CDH13: variants seen among roughly 807,000 people sequenced by gnomAD.
CDH13 encodes cadherin 13.
CDH13 carries 24 observed loss-of-function variants against 63.8 expected under a neutral mutation model. The observed-to-expected ratio is 0.38, with a 90% CI of 0.27 to 0.53. The LOEUF (loss-of-function observed/expected upper bound fraction) is 0.53, where lower values mean the gene tolerates loss of function less well. Ranked by LOEUF, CDH13 falls within the 20% of genes least tolerant of loss-of-function variation. The pLI, the probability that CDH13 is intolerant of heterozygous loss-of-function variation, is 0.85. For missense variants in CDH13, 1,049 were observed against 903.1 expected, an observed-to-expected ratio of 1.16 and a Z score of -2.07; for synonymous variants, 503 against 355.3, an observed-to-expected ratio of 1.42 and a Z score of -4.67.
At chr16:83,169,412 T>C (rs1343765694) in intron 4 of CDH13, among the ~76,000 whole-genome samples, 2 of 152,184 alleles carry the variant, frequency 1.3e-5, no homozygotes, top group East Asian at 1.9e-4. Flanking sequence ...CTTGACCTCA[T>C]AATCTGCCTG....
At chr16:82,846,840 C>A (rs2039278764) in intron 1 of CDH13, among the ~76,000 whole-genome samples, 1 of 151,948 alleles carries the variant, frequency 6.6e-6, no homozygotes. Context: ...GTCATAATGG[C>A]AGATCAAAAT....
intron 3 of CDH13, among the ~76,000 whole-genome samples, chr16:83,122,119 A>C (rs1597374850): frequency 6.6e-6 from 1 of 152,188 alleles, no homozygotes; most frequent in Non-Finnish European, 1.5e-5. Flanking sequence ...TTTAATTAGT[A>C]TGTGGCATTA....
At chr16:83,575,321 CAGAA>C (rs1408100163) in intron 7 of CDH13, among the ~76,000 whole-genome samples, 1 of 152,168 alleles carries the variant, frequency 6.6e-6, no homozygotes, top group African/African-American at 2.4e-5. Flanking sequence ...AATTATATCT[CAGAA>C]AGCTGTTACA....
At chr16:83,567,900 A>G (rs1904299269) in intron 7 of CDH13, among the ~76,000 whole-genome samples, 1 of 152,108 alleles carries the variant, frequency 6.6e-6, no homozygotes, top group African/African-American at 2.4e-5. Flanking sequence ...CGGCCTAGAC[A>G]CAAGTTTTAA....
intron 1 of CDH13, among the ~76,000 whole-genome samples, chr16:82,811,390 A>C (rs866370440): frequency 6.6e-6 from 1 of 152,108 alleles, no homozygotes. Flanking sequence ...TTTAGTAACT[A>C]TTGCAATTTT....
intron 3 of CDH13, among the ~76,000 whole-genome samples, chr16:83,118,205 C>T (rs868331789): frequency 1.3e-5 from 2 of 152,300 alleles, no homozygotes. Context: ...GTGGCGGCCC[C>T]AGAACCTCAC....
chr16:83,740,764 A>G (rs562028259), intron 10 of CDH13, among the ~76,000 whole-genome samples: 6 of 152,292 alleles, frequency 3.9e-5, no homozygotes, highest in Admixed American at 6.5e-5. Context: ...GGTCATACCT[A>G]CATGAAAGGC....
chr16:83,694,538 C>G (rs913835599), intron 10 of CDH13, among the ~76,000 whole-genome samples: 8 of 152,352 alleles, frequency 5.3e-5, no homozygotes, highest in African/African-American at 1.9e-4. Flanking sequence ...GCTGTTATGA[C>G]TGTCCCCAGC....
At chr16:83,743,748 C>CCTTTTTTTTTTTTTT (rs1912280138) in intron 10 of CDH13, among the ~76,000 whole-genome samples, 1 of 76,258 alleles carries the variant, frequency 1.3e-5, no homozygotes, top group African/African-American at 5.5e-5. Flanking sequence ...TTTCTTTTTT[C>CCTTTTTTTTTTTTTT]TTTTTTTTTT....
chr16:82,817,677 C>T (rs2037789630), intron 1 of CDH13, among the ~76,000 whole-genome samples: 1 of 151,988 alleles, frequency 6.6e-6, no homozygotes, highest in Admixed American at 6.5e-5. Flanking sequence ...TGGTGGTGCA[C>T]ACCTGTAGTC....
At chr16:83,379,339 C>G (rs1001535568) in intron 6 of CDH13, among the ~76,000 whole-genome samples, 15 of 152,180 alleles carry the variant, frequency 9.9e-5, no homozygotes, top group Admixed American at 3.3e-4. Context: ...CGTCCGGTGT[C>G]TTCCATGGCC....
intron 13 of CDH13, among the ~76,000 whole-genome samples, chr16:83,790,426 G>T (rs1208758980): frequency 1.3e-5 from 2 of 151,990 alleles, no homozygotes; most frequent in Non-Finnish European, 2.9e-5. Flanking sequence ...TTTTCACAGA[G>T]TCTTGCTGTG....
chr16:83,067,911 T>C (rs897303596), intron 3 of CDH13, among the ~76,000 whole-genome samples: 1 of 151,998 alleles, frequency 6.6e-6, no homozygotes, highest in Non-Finnish European at 1.5e-5. Context: ...GGCCAAAAAG[T>C]TTGAAGGAGG....
At chr16:82,638,929 T>C (rs1909041641) in intron 1 of CDH13, among the ~76,000 whole-genome samples, 3 of 150,554 alleles carry the variant, frequency 2.0e-5, no homozygotes, top group Non-Finnish European at 4.4e-5. Flanking sequence ...TAGTTACCCA[T>C]GTTATCTGGA....
At chr16:82,987,767 A>G (rs986077645) in intron 2 of CDH13, among the ~76,000 whole-genome samples, 2 of 152,198 alleles carry the variant, frequency 1.3e-5, no homozygotes, top group Non-Finnish European at 2.9e-5. Flanking sequence ...GGAATTCCCT[A>G]TGGCTGCATT....
chr16:83,465,488 A>G (rs187326279), intron 6 of CDH13, among the ~76,000 whole-genome samples: 162 of 152,342 alleles, frequency 1.1e-3, no homozygotes, highest in African/African-American at 3.8e-3. Context: ...GGTAACAGAC[A>G]AGCCACTCAG....
intron 1 of CDH13, among the ~76,000 whole-genome samples, chr16:82,725,159 T>C (rs1007277523): frequency 6.6e-6 from 1 of 152,124 alleles, no homozygotes; most frequent in East Asian, 1.9e-4. Flanking sequence ...ATGACAGTTG[T>C]GCTAATGGCG....
intron 1 of CDH13, chr16:82,829,558 A>G (rs1159439181): frequency 6.6e-6 from 1 of 152,102 alleles, no homozygotes; most frequent in East Asian, 1.9e-4. Flanking sequence ...CAGCAAGAAG[A>G]TTACTGAAAG....
At chr16:83,511,712 T>A (rs2074570863) in intron 7 of CDH13, among the ~76,000 whole-genome samples, 1 of 152,162 alleles carries the variant, frequency 6.6e-6, no homozygotes, top group Non-Finnish European at 1.5e-5. Flanking sequence ...ATAATTATCC[T>A]AGAAGTCCTA....
Sources: allele counts gnomAD v4.1 joint callset (sites outside exome capture counted in the v4.1 genomes callset), GRCh38; gene constraint gnomAD v4.1.1; transcripts MANE v1.5; gene names NCBI Gene and HGNC (gene_info 2026-07-23, HGNC 2026-07-21).